EPX: variants seen among roughly 807,000 people sequenced by gnomAD.
EPX encodes eosinophil peroxidase.
EPX carries 60 observed loss-of-function variants against 73.0 expected under a neutral mutation model. That is an observed-to-expected ratio of 0.82 (90% CI 0.67 to 1.02). The LOEUF (loss-of-function observed/expected upper bound fraction) is 1.02. Ranked by LOEUF, EPX falls within the 50% of genes least tolerant of loss-of-function variation. The pLI, the probability that EPX is intolerant of heterozygous loss-of-function variation, is 0.00. For synonymous variants in EPX, 347 were observed against 389.2 expected (o/e 0.89, Z 1.28); for missense variants, 950 against 973.9 (o/e 0.98, Z 0.33).
intron 1 of EPX, 56 bp from the exon 2 acceptor site, chr17:58,192,982 G>A (rs549366500): frequency 3.8e-6 from 6 of 1,595,826 alleles, no homozygotes; most frequent in East Asian, 4.5e-5. Flanking sequence ...AAGCACTTGG[G>A]TCTTGGAGGG....
Position 58,203,065 on chromosome 17 carries a change from CCCCGTTCCCCTGCAGGGTACAATG to C in EPX, c.1709-14_1718del. 6.3e-7 allele frequency: 1 copy of C among 1,591,324 alleles called. No homozygotes were observed. The highest frequency in any genetic ancestry group is 8.6e-7 in the Non-Finnish European group (1 of 1,159,948). Reference sequence around the variant, plus strand: ...GATCAGCAAGACTGAAGCTGCTTCTCCCCGTTCCCCTGCAGGGTACAATGCTTGGAGGCGCTTCTGTGGGCTCTC... The same window carrying C: ...GATCAGCAAGACTGAAGCTGCTTCTCCTTGGAGGCGCTTCTGTGGGCTCTC... On this transcript the variant is annotated splice_acceptor_variant and splice_polypyrimidine_tract_variant and coding_sequence_variant and intron_variant, in exon 11 of 13. Transcript: ENST00000225371. LOFTEE classifies it high-confidence loss of function.
chr17:58,196,437 G>C (rs1437979747), intron 6 of EPX, among the ~76,000 whole-genome samples: 1 of 152,170 alleles, frequency 6.6e-6, no homozygotes, highest in Non-Finnish European at 1.5e-5. Context: ...AAGCACAGCA[G>C]ATGCCACTTC....
chr17:58,192,947 G>A, intron 1 of EPX, 25 bp downstream of exon 1: 1 of 1,611,192 alleles, frequency 6.2e-7, no homozygotes. Flanking sequence ...GACAGGCAAG[G>A]AGGAGGGAGG....
rs1414361690 is a variant in EPX, at chr17:58,199,104, C to T, written c.1185C>T (p.His395=). ...TGCACACCCTCTTTATGCGAGAGCA[C>T]AACCGGCTGGCCACCGAGCTGAGAC... ...AAMHTLFMRE[H]NRLATELRRL... The change falls in exon 8 of 13, where the codon CAC becomes CAT. Residue 395 remains histidine, a synonymous_variant. Transcript: ENST00000225371. 1 of 1,613,914 alleles carries T rather than the reference C, an allele frequency of 6.2e-7. No homozygotes were observed. Among genetic ancestry groups the T allele is most frequent in the Non-Finnish European group, 8.5e-7 (1 of 1,179,974 alleles).
rs761468902 is a variant in EPX, at chr17:58,197,256, A to T, written c.1119A>T (p.Ala373=). 2.5e-6 allele frequency: 4 copies of T among 1,610,942 alleles called. No homozygotes were observed. Among genetic ancestry groups the T allele is most frequent in the Non-Finnish European group, 3.4e-6 (4 of 1,180,020 alleles). ...CGGCGCGCATCCCCTGCTTCCTGGCAGGTCAGACAGGGAGGAAGGTGGTGT... is the reference window on the plus strand; with the variant it reads ...CGGCGCGCATCCCCTGCTTCCTGGCTGGTCAGACAGGGAGGAAGGTGGTGT... ...NRSARIPCFL[A]GDTRSTETPK... The change falls in exon 7 of 13, where the codon GCA becomes GCT. Residue 373 remains alanine (A), a splice_region_variant and synonymous_variant. Coordinates refer to ENST00000225371, the MANE Select transcript of EPX (RefSeq NM_000502.6).
chr17:58,199,243 G>T, intron 8 of EPX, 43 bp downstream of exon 8: 1 of 1,599,734 alleles, frequency 6.3e-7, no homozygotes, highest in Non-Finnish European at 8.6e-7. Flanking sequence ...TGACAAGCTT[G>T]GCATGAGAAG....
intron 10 of EPX, among the ~76,000 whole-genome samples, chr17:58,201,649 A>G (rs1968342861): frequency 6.6e-6 from 1 of 152,122 alleles, no homozygotes; most frequent in Non-Finnish European, 1.5e-5. Context: ...GGATGTGGTA[A>G]GATGTTCCTT....
At position 58,199,149 on chromosome 17, in the gene EPX, T is replaced by C. The variant is rs200554942; in HGVS notation, c.1230T>C (p.Asn410=). ...TGAGACGCCTGAATCCCCGGTGGAA[T>C]GGAGACAAACTGTACAATGAGGCTC... is the stretch of plus-strand genomic sequence containing the variant. ...TELRRLNPRW[N]GDKLYNEARK... is the part of the protein sequence containing the mutation. Residue 410 remains asparagine (N), a synonymous_variant, in exon 8 of 13, where the codon AAT becomes AAC. Transcript: ENST00000225371. 3 of 1,614,018 alleles carry C rather than the reference T, an allele frequency of 1.9e-6. No homozygotes were observed. Among genetic ancestry groups the C allele is most frequent in the East Asian group, 2.2e-5 (1 of 44,870 alleles).
At chr17:58,204,151 G>A (rs1259951486) in intron 11 of EPX, 71 bp from the exon 12 acceptor site, 2 of 1,001,806 alleles carry the variant, frequency 2.0e-6, no homozygotes, top group African/African-American at 1.6e-5. Context: ...AAAGTACCTG[G>A]CACACAACAG....
At position 58,195,154 on chromosome 17, in the gene EPX, C is replaced by T. The variant is rs757249995; in HGVS notation, c.785C>T (p.Pro262Leu). The change falls in exon 6 of 13, where the codon CCC (proline) becomes CTC (leucine). Residue 262 changes from proline to leucine, a missense_variant. Transcript: ENST00000225371. ...GAGAGGACCTGCGCCCAGCTGCCCC[C>T]CTGCTTTCCCATCAAGGTACCTACC... ...DCERTCAQLP[P>L]CFPIKIPPND... The T allele has an allele frequency of 2.5e-6, 4 of 1,613,802 alleles. No homozygotes were observed. Among genetic ancestry groups the T allele is most frequent in the Non-Finnish European group, 3.4e-6 (4 of 1,179,808 alleles).
At position 58,205,059 on chromosome 17, in the gene EPX, C is replaced by T. The variant is rs142408069; in HGVS notation, c.*335C>T. ...CTGTTTCCCAGCCCTCCCTCCCCTC[C>T]CTCACCATGACTAAGAGACCACTCG... On this transcript the variant is annotated 3_prime_UTR_variant, in exon 13 of 13. Transcript: ENST00000225371. The T allele has an allele frequency of 7.4e-4, 122 of 164,150 alleles. No homozygotes were observed. The highest frequency in any genetic ancestry group is 3.0e-3 in the Admixed American group (53 of 17,830). 10.2% of individuals were successfully genotyped at this position (164,150 alleles called of 1,614,324 possible). A position where few individuals can be genotyped will look rare whatever the true frequency, so the allele number is the denominator to read the frequency against.
intron 11 of EPX, 26 bp from the exon 12 acceptor site, chr17:58,204,196 A>G (rs746493168): frequency 1.3e-6 from 2 of 1,572,338 alleles, no homozygotes; most frequent in East Asian, 4.5e-5. Flanking sequence ...CCCAGCCTTC[A>G]CCCACATCTC....
At position 58,199,087 on chromosome 17, in the gene EPX, C is replaced by A; in HGVS notation, c.1168C>A (p.Leu390Ile). 1.9e-6 allele frequency: 3 copies of A among 1,614,138 alleles called. No individual in the cohort carries two copies. The highest frequency in any genetic ancestry group is 1.1e-5 in the South Asian group (1 of 91,082). Residue 390 changes from leucine to isoleucine, a missense_variant, in exon 8 of 13, where the codon CTC (leucine) becomes ATC (isoleucine). Coordinates refer to ENST00000225371, the MANE Select transcript of EPX (RefSeq NM_000502.6). ...CCCCAAACTGGCAGCCATGCACACC[C>A]TCTTTATGCGAGAGCACAACCGGCT... ...ETPKLAAMHT[L>I]FMREHNRLAT...
chr17:58,204,222 G>T lies in EPX; in HGVS notation c.1947G>T (p.Arg649Ser), dbSNP rs1367960903. The change falls in exon 12 of 13, where the codon AGG (arginine) becomes AGT (serine). Residue 649 changes from arginine to serine, a missense_variant and splice_region_variant. Transcript: ENST00000225371. ...NQFRRARDGD[R>S]FWWQKRGVFT... ...CCCACATCTCTCGACTGCCTGGTAG[G>T]TTCTGGTGGCAGAAACGAGGTGTTT... The T allele has an allele frequency of 3.1e-6, 5 of 1,613,078 alleles. No homozygotes were observed. Among genetic ancestry groups the T allele is most frequent in the Non-Finnish European group, 4.2e-6 (5 of 1,179,174 alleles).
chr17:58,203,438 G>C (rs1968369839), intron 11 of EPX, 120 bp downstream of exon 11: 8 of 814,302 alleles, frequency 9.8e-6, no homozygotes, highest in Non-Finnish European at 1.7e-5. Flanking sequence ...CAAGTTCACA[G>C]GATCTGAAAT....
chr17:58,196,878 C>A (rs958603785), intron 6 of EPX, 61 bp from the exon 7 acceptor site: 6 of 1,297,104 alleles, frequency 4.6e-6, no homozygotes, highest in Middle Eastern at 1.8e-4. Flanking sequence ...TGGAAGATGA[C>A]GGAGAGGAGT....
intron 5 of EPX, 88 bp downstream of exon 5, chr17:58,194,180 G>C: frequency 1.5e-6 from 2 of 1,375,818 alleles, no homozygotes; most frequent in Non-Finnish European, 2.0e-6. Flanking sequence ...GGCAGGGCTT[G>C]AACCCAGGCC....
Position 58,205,033 on chromosome 17 carries a change from A to G in EPX, c.*309A>G, listed in dbSNP as rs748469512. ...AGCTGGAGGGTTTACAGCACTTTCT[A>G]CTGTTTCCCAGCCCTCCCTCCCCTC... is the stretch of plus-strand genomic sequence containing the variant. On this transcript the variant is annotated 3_prime_UTR_variant, in exon 13 of 13. Transcript: ENST00000225371. 3.0e-5 allele frequency: 5 copies of G among 164,364 alleles called. No individual in the cohort carries two copies. The highest frequency in any genetic ancestry group is 5.3e-5 in the Non-Finnish European group (4 of 74,768). The allele number at this position is 164,364 out of a possible 1,614,324, so 10.2% of individuals were successfully genotyped here.
Position 58,205,104 on chromosome 17 carries a change from C to T in EPX, c.*380C>T, listed in dbSNP as rs1968420835. On this transcript the variant is annotated 3_prime_UTR_variant, in exon 13 of 13. Transcript: ENST00000225371. The stretch of plus-strand genomic sequence containing the variant: ...CACTCGGTCCTAGCCTCCAGACACC[C>T]CACAATACTCCTCTGAGCCTGAGGC... The T allele has an allele frequency of 5.9e-6, 1 of 169,788 alleles. No homozygotes were observed. Among genetic ancestry groups the T allele is most frequent in the Non-Finnish European group, 1.3e-5 (1 of 78,212 alleles). The allele number at this position is 169,788 out of a possible 1,614,324, so 10.5% of individuals were successfully genotyped here. A position where few individuals can be genotyped will look rare whatever the true frequency, so the allele number is the denominator to read the frequency against.
Sources: allele counts gnomAD v4.1 joint callset (sites outside exome capture counted in the v4.1 genomes callset), GRCh38; gene constraint gnomAD v4.1.1; transcripts MANE v1.5; gene names NCBI Gene and HGNC (gene_info 2026-07-23, HGNC 2026-07-21).